Variants in OTUD3 observed in about 807,000 individuals in gnomAD.
OTUD3 encodes the protein OTU domain-containing protein 3.
A neutral mutation model predicts 46.2 loss-of-function variants in OTUD3; 24 were observed. The ratio of observed to expected loss-of-function variants is 0.52; its 90% CI spans 0.38 to 0.73. The LOEUF (loss-of-function observed/expected upper bound fraction) is 0.73. Ranked by LOEUF, OTUD3 falls within the 30% of genes least tolerant of loss-of-function variation. The pLI, the probability that OTUD3 is intolerant of heterozygous loss-of-function variation, is 0.00. For missense variants in OTUD3, 455 were observed against 523.3 expected (o/e 0.87, Z 1.27); for synonymous variants, 189 against 195.4 (o/e 0.97, Z 0.27).
rs1342088827 is a variant in OTUD3 at position 19,911,817 on chromosome 1, C to T, written c.*4071C>T. Reference sequence around the variant, plus strand: ...CGTGGAGAGAACACGGAGCACCAGTCACCACGTGCACTTAGGATGCAGAGC... The same window carrying T: ...CGTGGAGAGAACACGGAGCACCAGTTACCACGTGCACTTAGGATGCAGAGC... On this transcript the variant is annotated 3_prime_UTR_variant, in exon 8 of 8. Transcript: ENST00000375120. 1 of 152,344 alleles carries T rather than the reference C, an allele frequency of 6.6e-6. No homozygotes were observed. The highest frequency in any genetic ancestry group is 1.5e-5 in the Non-Finnish European group (1 of 68,056). The allele number at this position is 152,344 out of a possible 1,614,324, so 9.4% of individuals were successfully genotyped here.
chr1:19,890,724 G>A (rs1373865234), intron 2 of OTUD3, among the ~76,000 whole-genome samples, 191 bp downstream of exon 2: 3 of 152,164 alleles, frequency 2.0e-5, no homozygotes, highest in East Asian at 1.9e-4. Flanking sequence ...AGGTTTAGCT[G>A]TATATGCCCT....
chr1:19,904,167 A>G lies in OTUD3; in HGVS notation c.607-100A>G, dbSNP rs1031228980. ...GGTTGTTTCTAGAAGGTTTTCCCCT[A>G]TATATATGAATTTTTCCAGATTAGA... On this transcript the variant is annotated intron_variant, in intron 4 of 7. Transcript: ENST00000375120. 39 of 855,860 alleles carry G rather than the reference A, an allele frequency of 4.6e-5. No individual in the cohort carries two copies. In the Admixed American group the frequency reaches 4.6e-4, roughly 10 times the overall value. 53.0% of individuals were successfully genotyped at this position (855,860 alleles called of 1,614,324 possible).
rs2100241892 is a variant in OTUD3 at position 19,886,776 on chromosome 1, C to T, written c.222-3609C>T. On this transcript the variant is annotated intron_variant, in intron 1 of 7. Transcript: ENST00000375120. ...GGGCTACGTTGCTGGGCCCCAACCC[C>T]AGAATGCCTGATTGAGTAGGCCTGG... 2.0e-5 allele frequency among the ~76,000 whole-genome samples: 3 copies of T among 152,300 alleles called. No individual in the cohort carries two copies. The East Asian group carries it at 5.8e-4, about 29-fold the overall frequency.
chr1:19,884,568 C>T (rs1301728690), intron 1 of OTUD3, among the ~76,000 whole-genome samples: 9 of 151,956 alleles, frequency 5.9e-5, no homozygotes, highest in African/African-American at 1.2e-4. Flanking sequence ...ACTGAGAAAC[C>T]GAAAGAACTT....
chr1:19,883,923 T>G (rs1219098966), intron 1 of OTUD3, among the ~76,000 whole-genome samples: 1 of 152,248 alleles, frequency 6.6e-6, no homozygotes, highest in East Asian at 1.9e-4. Context: ...TCAGGCAGAT[T>G]GGATTTCTTT....
chr1:19,902,369 C>T (rs768474805), intron 4 of OTUD3, among the ~76,000 whole-genome samples: 6 of 152,118 alleles, frequency 3.9e-5, no homozygotes, highest in Non-Finnish European at 5.9e-5. Context: ...CCACGCCCAG[C>T]TAAATTTTTG....
At chr1:19,904,453 C>T (rs2045631053) in intron 5 of OTUD3, 55 bp downstream of exon 5, 3 of 1,535,312 alleles carry the variant, frequency 2.0e-6, no homozygotes, top group Non-Finnish European at 2.6e-6. Flanking sequence ...CTGTGCCTAG[C>T]TTACTTCTTA....
At position 19,882,405 on chromosome 1, in the gene OTUD3, C is replaced by A; in HGVS notation, c.-109C>A. 7.7e-7 allele frequency: 1 copy of A among 1,299,390 alleles called. No individual in the cohort carries two copies. Among genetic ancestry groups the A allele is most frequent in the Non-Finnish European group, 9.7e-7 (1 of 1,026,584 alleles). The allele number at this position is 1,299,390 out of a possible 1,614,324, so 80.5% of individuals were successfully genotyped here. A position where few individuals can be genotyped will look rare whatever the true frequency, so the allele number is the denominator to read the frequency against. On this transcript the variant is annotated 5_prime_UTR_variant, in exon 1 of 8. Transcript: ENST00000375120. ...GGCGCAGGCGCGGTTGCTGCGTAGT[C>A]GTCGCCGGGCTCCGTTGCCCGCGCT...
At chr1:19,887,274 G>A (rs1268145120) in intron 1 of OTUD3, among the ~76,000 whole-genome samples, 2 of 151,940 alleles carry the variant, frequency 1.3e-5, no homozygotes, top group Non-Finnish European at 2.9e-5. Flanking sequence ...AGTAGAGACG[G>A]GGTATCTCCG....
chr1:19,907,847 A>T lies in OTUD3; in HGVS notation c.*101A>T. The T allele has an allele frequency of 1.9e-6, 2 of 1,067,696 alleles. No individual in the cohort carries two copies. Among genetic ancestry groups the T allele is most frequent in the South Asian group, 1.6e-5 (1 of 61,030 alleles). The allele number at this position is 1,067,696 out of a possible 1,614,324, so 66.1% of individuals were successfully genotyped here. On this transcript the variant is annotated 3_prime_UTR_variant, in exon 8 of 8. Transcript: ENST00000375120. ...CCTTTTATAAAACGCAACACAACCA[A>T]CGAAGCCCACACATGAGCTCACACA...
intron 4 of OTUD3, among the ~76,000 whole-genome samples, chr1:19,901,386 G>T (rs1035907644): frequency 1.3e-5 from 2 of 152,048 alleles, no homozygotes; most frequent in Admixed American, 1.3e-4. Context: ...GAGGTGTTTT[G>T]TGTTTTTTGT....
chr1:19,902,041 G>T (rs894246968), intron 4 of OTUD3, among the ~76,000 whole-genome samples: 5 of 152,140 alleles, frequency 3.3e-5, no homozygotes, highest in African/African-American at 1.2e-4. Context: ...GAGTGGAATT[G>T]CTGGGTCATA....
intron 1 of OTUD3, among the ~76,000 whole-genome samples, chr1:19,883,451 G>T (rs1436809966): frequency 6.6e-6 from 1 of 152,202 alleles, no homozygotes; most frequent in Non-Finnish European, 1.5e-5. Context: ...GGGTCAGGAA[G>T]AGGGGAGAAC....
rs1356336694 is a variant in OTUD3, at chr1:19,908,791, A to C, written c.*1045A>C. 6.6e-6 allele frequency: 1 copy of C among 152,400 alleles called. No homozygotes were observed. The highest frequency in any genetic ancestry group is 1.9e-4 in the East Asian group (1 of 5,342). 9.4% of individuals were successfully genotyped at this position (152,400 alleles called of 1,614,324 possible). A position where few individuals can be genotyped will look rare whatever the true frequency, so the allele number is the denominator to read the frequency against. ...TAGTATTGTGGAAATTAAATCTTAT[A>C]AAATGCTACATTTATTTCTTTTTAT... is the stretch of plus-strand genomic sequence containing the variant. On this transcript the variant is annotated 3_prime_UTR_variant, in exon 8 of 8. Transcript: ENST00000375120.
At chr1:19,886,390 G>A (rs1317864719) in intron 1 of OTUD3, among the ~76,000 whole-genome samples, 14 of 151,944 alleles carry the variant, frequency 9.2e-5, no homozygotes, top group Admixed American at 9.2e-4. Flanking sequence ...TTTTAATATT[G>A]CAGGATCACA....
chr1:19,904,191 G>C, intron 4 of OTUD3, 76 bp from the exon 5 acceptor site: 1 of 1,185,980 alleles, frequency 8.4e-7, no homozygotes, highest in Non-Finnish European at 1.2e-6. Context: ...TTCCAGATTA[G>C]AGTGTCTTGT....
At chr1:19,906,795 T>C (rs2045667814) in intron 7 of OTUD3, 179 bp downstream of exon 7, 1 of 559,410 alleles carries the variant, frequency 1.8e-6, no homozygotes, top group Non-Finnish European at 3.1e-6. Flanking sequence ...TCCTGTTTGG[T>C]GTATGCCGTG....
chr1:19,889,290 C>CAACAAAAAA (rs2045415369), intron 1 of OTUD3, among the ~76,000 whole-genome samples: 1 of 138,018 alleles, frequency 7.2e-6, no homozygotes. Flanking sequence ...CCCTCCCCTG[C>CAACAAAAAA]AAAAAAAAAA....
chr1:19,888,847 T>C (rs2045407779), intron 1 of OTUD3, among the ~76,000 whole-genome samples: 1 of 152,218 alleles, frequency 6.6e-6, no homozygotes, highest in African/African-American at 2.4e-5. Flanking sequence ...TGTATGTGTA[T>C]AGTGTACAGA....
Sources: allele counts gnomAD v4.1 joint callset (sites outside exome capture counted in the v4.1 genomes callset), GRCh38; gene constraint gnomAD v4.1.1; transcripts MANE v1.5; gene names NCBI Gene and HGNC (gene_info 2026-07-23, HGNC 2026-07-21).